Variants in TRPM2 observed in about 807,000 individuals in gnomAD.
The protein encoded by TRPM2 is estrogen-responsive element-associated gene 1 protein.
A neutral mutation model predicts 174.0 loss-of-function variants in TRPM2; 161 were observed. That is an observed-to-expected ratio of 0.93 (90% confidence interval 0.81 to 1.05). The LOEUF (loss-of-function observed/expected upper bound fraction) is 1.05, where lower values mean the gene tolerates loss of function less well. Ranked by LOEUF, TRPM2 falls within the 50% of genes least tolerant of loss-of-function variation. TRPM2 has a pLI of 0.00. For missense variants in TRPM2, 2,057 were observed against 2,038.0 expected (o/e 1.01, Z -0.18); for synonymous variants, 954 against 861.3 (o/e 1.11, Z -1.88).
rs764271519 is a variant in TRPM2, at chr21:44,379,097, C to A, written c.1115C>A (p.Ser372Ter). ...GCCCAGGTGGCCAACCTGCCTGTCT[C>A]GGACATCACTATCTCCCTGATCCAG... ...VIAQVANLPV[S>*]DITISLIQQK... Residue 372 changes from serine to a stop codon, truncating the protein, a stop_gained, in exon 8 of 32, where the codon TCG (serine) becomes TAG (stop). Coordinates refer to ENST00000397928, the MANE Select transcript of TRPM2 (RefSeq NM_003307.4). LOFTEE classifies it high-confidence loss of function. The A allele has an allele frequency of 3.1e-6, 5 of 1,613,426 alleles. No individual in the cohort carries two copies. In the African/African-American group the frequency reaches 6.7e-5, roughly 21 times the overall value.
At chr21:44,405,288 C>T in intron 17 of TRPM2, 28 bp downstream of exon 17, 1 of 1,609,552 alleles carries the variant, frequency 6.2e-7, no homozygotes, top group Non-Finnish European at 8.5e-7. Flanking sequence ...GATGGCGGGC[C>T]CGTCTGAGGC....
At chr21:44,427,337 T>C (rs1229629905) in intron 27 of TRPM2, among the ~76,000 whole-genome samples, 1 of 152,186 alleles carries the variant, frequency 6.6e-6, no homozygotes. Flanking sequence ...CCCTGCCCCA[T>C]GGTCCCTGCC....
intron 24 of TRPM2, chr21:44,425,204 C>T: frequency 4.0e-6 from 2 of 503,434 alleles, no homozygotes; most frequent in Non-Finnish European, 7.2e-6. Flanking sequence ...GAGCTCCCCA[C>T]ATACCGCACT....
chr21:44,380,768 C>T (rs913268050), intron 8 of TRPM2, among the ~76,000 whole-genome samples: 5 of 152,186 alleles, frequency 3.3e-5, no homozygotes, highest in African/African-American at 1.2e-4. Context: ...TGCAGGGGCT[C>T]ACAGCTGTGG....
chr21:44,417,340 G>T (rs1253088956), intron 20 of TRPM2, among the ~76,000 whole-genome samples: 1 of 123,950 alleles, frequency 8.1e-6, no homozygotes, highest in Admixed American at 7.8e-5. Flanking sequence ...GCATCACAGT[G>T]GGCACGTGGG....
Position 44,376,055 on chromosome 21 carries a change from A to G in TRPM2, c.952+42A>G, listed in dbSNP as rs1462404636. The G allele has an allele frequency of 6.3e-7, 1 of 1,596,478 alleles. No homozygotes were observed. Among genetic ancestry groups the G allele is most frequent in the Non-Finnish European group, 8.6e-7 (1 of 1,168,562 alleles). On this transcript the variant is annotated intron_variant, in intron 6 of 31. Transcript: ENST00000397928. The surrounding 1 kb of genome is among the most constrained non-coding windows in gnomAD (Gnocchi z 4.2). The stretch of plus-strand genomic sequence containing the variant: ...TCGAGGGTGATTGGGCAGAGAGCAC[A>G]GTGGGCTGGTCAGAGTGTCAGGTAC...
At chr21:44,357,771 T>C (rs2048100582) in intron 2 of TRPM2, among the ~76,000 whole-genome samples, 1 of 152,092 alleles carries the variant, frequency 6.6e-6, no homozygotes, top group Non-Finnish European at 1.5e-5. Flanking sequence ...GGAGAGACGC[T>C]CCAAAAGCCC....
rs1355048690 is a variant in TRPM2, at chr21:44,438,314, G to T, written c.4168-753G>T. 1.3e-5 allele frequency among the ~76,000 whole-genome samples: 2 copies of T among 152,218 alleles called. No individual in the cohort carries two copies. The highest frequency in any genetic ancestry group is 6.5e-5 in the Admixed American group (1 of 15,290). ...CTGGCACTTTGGCCTCTCCATGCGGGGTGCGTGGAGTTGGGTTTGGGGGTC... is the reference window on the plus strand; with the variant it reads ...CTGGCACTTTGGCCTCTCCATGCGGTGTGCGTGGAGTTGGGTTTGGGGGTC... On this transcript the variant is annotated intron_variant, in intron 29 of 31. Coordinates refer to ENST00000397928, the MANE Select transcript of TRPM2 (RefSeq NM_003307.4). This position sits in a 1 kb window ranked among gnomAD's most constrained non-coding sequence, Gnocchi z 5.9.
At chr21:44,407,037 T>A (rs1249695905) in intron 19 of TRPM2, among the ~76,000 whole-genome samples, 3 of 149,620 alleles carry the variant, frequency 2.0e-5, no homozygotes, top group African/African-American at 7.4e-5. Flanking sequence ...GGGCATCAGC[T>A]GACAGCCCCC....
In TRPM2 at chr21:44,413,966, C is replaced by T. The variant is rs145587085; in HGVS notation, c.3038C>T (p.Ala1013Val). Residue 1013 changes from alanine to valine, a missense_variant, in exon 20 of 32, where the codon GCG becomes GTG. Ala to Val is a moderately conservative substitution (Grantham distance 64). Transcript: ENST00000397928. ...PYKPKCPESD[A>V]TQQRPAFPEW... ...AAGCCTAAGTGCCCCGAGAGCGACG[C>T]GACGCAGCAGAGGCCGGCCTTCCCT... 83 of 1,613,962 alleles carry T rather than the reference C, an allele frequency of 5.1e-5. No individual in the cohort carries two copies. The Middle Eastern group carries it at 6.6e-4, about 13-fold the overall frequency.
chr21:44,369,161 C>G lies in TRPM2; in HGVS notation c.605-16C>G. 6.3e-7 allele frequency: 1 copy of G among 1,589,020 alleles called. No homozygotes were observed. The highest frequency in any genetic ancestry group is 8.6e-7 in the Non-Finnish European group (1 of 1,167,052). ...CTCAGTGCTGTGGGGCCTGCCCACCCGTGCTCCTTCCCCAGGGGCCTGGAT... is the reference window on the plus strand; with the variant it reads ...CTCAGTGCTGTGGGGCCTGCCCACCGGTGCTCCTTCCCCAGGGGCCTGGAT... On this transcript the variant is annotated splice_polypyrimidine_tract_variant and intron_variant, in intron 4 of 31. Transcript: ENST00000397928.
Position 44,441,919 on chromosome 21 carries a change from C to A in TRPM2, c.*102C>A, listed in dbSNP as rs1569128344. ...CCAGGACTCAGGCTGTTCCTGGGCC[C>A]TGCACATGATGGGGTTTGGTGGACC... is the stretch of plus-strand genomic sequence containing the variant. On this transcript the variant is annotated 3_prime_UTR_variant, in exon 32 of 32. Coordinates refer to ENST00000397928, the MANE Select transcript of TRPM2 (RefSeq NM_003307.4). 1.4e-6 allele frequency: 2 copies of A among 1,418,436 alleles called. No individual in the cohort carries two copies. The highest frequency in any genetic ancestry group is 2.5e-5 in the Admixed American group (1 of 39,614). The allele number at this position is 1,418,436 out of a possible 1,614,324, so 87.9% of individuals were successfully genotyped here.
chr21:44,363,874 C>G (rs1005040088), intron 2 of TRPM2, among the ~76,000 whole-genome samples: 2 of 152,184 alleles, frequency 1.3e-5, no homozygotes, highest in Non-Finnish European at 2.9e-5. Context: ...TCTAAGCCCC[C>G]CTGTAGCCTC....
chr21:44,358,745 C>A (rs975023174), intron 2 of TRPM2, among the ~76,000 whole-genome samples: 4 of 152,142 alleles, frequency 2.6e-5, no homozygotes, highest in Non-Finnish European at 5.9e-5. Flanking sequence ...CACCTCCGAC[C>A]CAGGTCTCTC....
chr21:44,425,108 A>G, intron 24 of TRPM2, 169 bp downstream of exon 24: 2 of 631,094 alleles, frequency 3.2e-6, no homozygotes, highest in South Asian at 2.1e-5. Flanking sequence ...CAGCCCACCC[A>G]CCGACGCTGG....
At position 44,439,504 on chromosome 21, in the gene TRPM2, C is replaced by T. The variant is rs74691350; in HGVS notation, c.4269+336C>T. ...TGCCGCCCTCCTCCCCACATCCACCCTTGCCTCGAGCACAGCTGCGCCCAA... is the reference window on the plus strand; with the variant it reads ...TGCCGCCCTCCTCCCCACATCCACCTTTGCCTCGAGCACAGCTGCGCCCAA... On this transcript the variant is annotated intron_variant, in intron 30 of 31. Coordinates refer to ENST00000397928, the MANE Select transcript of TRPM2 (RefSeq NM_003307.4). This position sits in a 1 kb window ranked among gnomAD's most constrained non-coding sequence, Gnocchi z 5.1. 0.014 allele frequency among the ~76,000 whole-genome samples: 2,169 copies of T among 152,232 alleles called. 33 individuals carry two copies. Among genetic ancestry groups the T allele is most frequent in the South Asian group, 0.043 (206 of 4,820 alleles).
In TRPM2 at chr21:44,367,041, G is replaced by A. The variant is rs974601695; in HGVS notation, c.604+107G>A. ...AGGACCCAAAAAGTCCCTGGGAGCCGCCGAGGCTGTGCCCCAGCCTGAGTC... is the reference window on the plus strand; with the variant it reads ...AGGACCCAAAAAGTCCCTGGGAGCCACCGAGGCTGTGCCCCAGCCTGAGTC... On this transcript the variant is annotated intron_variant, in intron 4 of 31. Coordinates refer to ENST00000397928, the MANE Select transcript of TRPM2 (RefSeq NM_003307.4). This position sits in a 1 kb window ranked among gnomAD's most constrained non-coding sequence, Gnocchi z 4.6. The A allele has an allele frequency of 5.9e-5, 79 of 1,339,146 alleles. No individual in the cohort carries two copies. Among genetic ancestry groups the A allele is most frequent in the Non-Finnish European group, 7.3e-5 (73 of 1,006,250 alleles). 83.0% of individuals were successfully genotyped at this position (1,339,146 alleles called of 1,614,324 possible).
At chr21:44,356,311 A>C (rs1397511629) in intron 2 of TRPM2, among the ~76,000 whole-genome samples, 8 of 151,150 alleles carry the variant, frequency 5.3e-5, no homozygotes, top group Non-Finnish European at 1.0e-4. Context: ...ATGTGGAAGG[A>C]GCGGGGTCTG....
intron 27 of TRPM2, among the ~76,000 whole-genome samples, chr21:44,433,529 G>A (rs1286462312): frequency 1.3e-5 from 2 of 152,224 alleles, no homozygotes; most frequent in African/African-American, 4.8e-5. Context: ...AGGGCGGGGT[G>A]GACGGGAGTG....
Sources: gnomAD v4.1 joint callset for allele counts (sites outside exome capture counted in the v4.1 genomes callset) on GRCh38, gnomAD v4.1.1 for gene constraint, Gnocchi (gnomAD v3.1) non-coding constraint, MANE v1.5 for transcripts, NCBI Gene and HGNC (gene_info 2026-07-23, HGNC 2026-07-21) for gene names.